The following OTOG variants were observed in gnomAD, a reference collection of about 807,000 sequenced individuals.
OTOG encodes the protein otogelin.
Under a neutral mutation model 313.8 loss-of-function variants are expected in OTOG, and 296 were observed. That is an observed-to-expected ratio of 0.94 (90% CI 0.86 to 1.04). OTOG has a LOEUF of 1.04. OTOG is among the 50% of genes least tolerant of loss of function. The probability of loss-of-function intolerance (pLI) is 0.00; values close to 1 mark genes in which losing one functional copy is unlikely to be tolerated. For missense variants in OTOG, 3,948 were observed against 3,840.1 expected (o/e 1.03, Z -0.74); for synonymous variants, 1,533 against 1,554.9 (o/e 0.99, Z 0.33).
chr11:17,554,273 T>A (rs1475685314), intron 6 of OTOG, among the ~76,000 whole-genome samples: 5 of 152,322 alleles, frequency 3.3e-5, no homozygotes, highest in Middle Eastern at 3.4e-3. Flanking sequence ...GTCATTGTAT[T>A]TCTCTTACAA....
At chr11:17,599,747 C>T (rs775265901) in intron 31 of OTOG, 50 bp downstream of exon 31, 1 of 1,537,824 alleles carries the variant, frequency 6.5e-7, no homozygotes, top group African/African-American at 1.4e-5. Context: ...GCACTGCCAG[C>T]CCTGTCCTGA....
rs753143883 is a variant in OTOG, at chr11:17,640,817, T to G, written c.8008T>G (p.Cys2670Gly). The G allele has an allele frequency of 1.9e-6, 3 of 1,550,010 alleles. No individual in the cohort carries two copies. In the African/African-American group the frequency reaches 4.1e-5, roughly 21 times the overall value. The stretch of plus-strand genomic sequence containing the variant: ...TGTGTGTGGCTGCGCCAAGTACGAG[T>G]GTGGTGAGTGGGGGAAGCCTCGGGG... ...ENVCGCAKYE[C>G]VKAPVCLSRE... The change falls in exon 50 of 56, where the codon TGT (cysteine) becomes GGT (glycine). Residue 2670 changes from cysteine (C) to glycine (G), a missense_variant. By Grantham distance (159) the Cys-to-Gly change is radical. Transcript: ENST00000399397.
chr11:17,622,860 T>A (rs1196833193), intron 39 of OTOG, among the ~76,000 whole-genome samples: 1 of 152,164 alleles, frequency 6.6e-6, no homozygotes, highest in Non-Finnish European at 1.5e-5. Flanking sequence ...TTCTTTTGGG[T>A]GTATACCCAG....
At position 17,631,704 on chromosome 11, in the gene OTOG, A is replaced by G. The variant is rs1854130943; in HGVS notation, c.6715A>G (p.Ile2239Val). 1.3e-6 allele frequency: 2 copies of G among 1,549,282 alleles called. No homozygotes were observed. Among genetic ancestry groups the G allele is most frequent in the Non-Finnish European group, 1.7e-6 (2 of 1,146,028 alleles). Residue 2239 changes from isoleucine to valine, a missense_variant and splice_region_variant, in exon 41 of 56, where the codon ATC becomes GTC. Coordinates refer to ENST00000399397, the MANE Select transcript of OTOG (RefSeq NM_001292063.2). ...SKAQGHGLCG[I>V]CDGDAANDLT... Reference sequence around the variant, plus strand: ...TGGGATTGTTTGGCCCCTTTCAGGTATCTGTGATGGAGATGCAGCCAATGA... The same window carrying G: ...TGGGATTGTTTGGCCCCTTTCAGGTGTCTGTGATGGAGATGCAGCCAATGA...
At position 17,631,721 on chromosome 11, in the gene OTOG, A is replaced by G; in HGVS notation, c.6732A>G (p.Ala2244=). The change falls in exon 41 of 56, where the codon GCA becomes GCG. Residue 2244 remains alanine (A), a synonymous_variant. Coordinates refer to ENST00000399397, the MANE Select transcript of OTOG (RefSeq NM_001292063.2). The part of the protein sequence containing the change: ...HGLCGICDGD[A]ANDLTLKDGS... ...TTTCAGGTATCTGTGATGGAGATGC[A>G]GCCAATGACCTTACCCTGAAGGATG... 6.5e-7 allele frequency: 1 copy of G among 1,550,366 alleles called. No homozygotes were observed. The highest frequency in any genetic ancestry group is 1.4e-5 in the African/African-American group (1 of 73,180).
intron 3 of OTOG, among the ~76,000 whole-genome samples, chr11:17,551,228 C>T (rs568109659): frequency 1.3e-5 from 2 of 152,296 alleles, no homozygotes; most frequent in African/African-American, 4.8e-5. Flanking sequence ...ATGCCGGTTC[C>T]AGGTGACATT....
chr11:17,618,677 T>G (rs1321848075), intron 39 of OTOG, among the ~76,000 whole-genome samples: 2 of 152,266 alleles, frequency 1.3e-5, no homozygotes, highest in Non-Finnish European at 2.9e-5. Flanking sequence ...TTTATTTGTC[T>G]ATTTCTCTTT....
chr11:17,570,334 G>C lies in OTOG; in HGVS notation c.1899G>C (p.Val633=). The C allele has an allele frequency of 6.4e-7, 1 of 1,550,700 alleles. No individual in the cohort carries two copies. Among genetic ancestry groups the C allele is most frequent in the Non-Finnish European group, 8.7e-7 (1 of 1,147,008 alleles). ...RLYLQVDQRW[V]EDTVGLCGTF... is the part of the protein sequence containing the mutation. ...ACCTGCAAGTGGACCAGCGATGGGT[G>C]GAGGATACCGTGGGCCTCTGCGGCA... Residue 633 remains valine (V), a synonymous_variant, in exon 17 of 56, where the codon GTG becomes GTC. Transcript: ENST00000399397.
Position 17,599,697 on chromosome 11 carries a change from G to A in OTOG, c.3709G>A (p.Val1237Met). 5.8e-6 allele frequency: 9 copies of A among 1,550,616 alleles called. No individual in the cohort carries two copies. Among genetic ancestry groups the A allele is most frequent in the Non-Finnish European group, 7.8e-6 (9 of 1,147,008 alleles). The part of the protein sequence containing the change: ...CPYDCDFFNK[V>M]LGKGPYQLSS... ...GTATGACTGTGACTTCTTTAACAAA[G>A]GTAAGCCCCTCCTCCCCACGCAGAG... is the stretch of plus-strand genomic sequence containing the variant. The change falls in exon 31 of 56, where the codon GTG becomes ATG. Residue 1237 changes from valine to methionine, a missense_variant and splice_region_variant. Transcript: ENST00000399397.
chr11:17,624,285 G>A (rs1853931756), intron 39 of OTOG, among the ~76,000 whole-genome samples: 1 of 152,074 alleles, frequency 6.6e-6, no homozygotes, highest in Non-Finnish European at 1.5e-5. Flanking sequence ...TATAGTTTTG[G>A]CTCTTACATT....
At position 17,593,456 on chromosome 11, in the gene OTOG, A is replaced by G; in HGVS notation, c.3141+129A>G. On this transcript the variant is annotated intron_variant, in intron 26 of 55. Transcript: ENST00000399397. ...TGGAGAGCCACTGAGTTAGGAGCCC[A>G]GACTGAATTCCTCTTGGCCAGGGTC... is the stretch of plus-strand genomic sequence containing the variant. 4.2e-6 allele frequency: 6 copies of G among 1,422,852 alleles called. No individual in the cohort carries two copies. The South Asian group carries it at 6.9e-5, about 16-fold the overall frequency. 88.1% of individuals were successfully genotyped at this position (1,422,852 alleles called of 1,614,324 possible). A position where few individuals can be genotyped will look rare whatever the true frequency, so the allele number is the denominator to read the frequency against.
intron 4 of OTOG, among the ~76,000 whole-genome samples, chr11:17,552,528 C>CTG (rs1851958432): frequency 3.8e-4 from 15 of 39,256 alleles, no homozygotes; most frequent in African/African-American, 8.9e-4. Flanking sequence ...CTGTTCCTAC[C>CTG]TCCCCCACCT....
At position 17,635,665 on chromosome 11, in the gene OTOG, T is replaced by C. The variant is rs1034724748; in HGVS notation, c.7749T>C (p.Thr2583=). 1.9e-6 allele frequency: 3 copies of C among 1,550,442 alleles called. No homozygotes were observed. Among genetic ancestry groups the C allele is most frequent in the Admixed American group, 2.0e-5 (1 of 50,982 alleles). Residue 2583 remains threonine (T), a synonymous_variant, in exon 47 of 56, where the codon ACT becomes ACC. Coordinates refer to ENST00000399397, the MANE Select transcript of OTOG (RefSeq NM_001292063.2). Reference sequence around the variant, plus strand: ...AATGTCAAGAAGGGGAGGCGCTCACTGTGCACAGGAATACCACGGAACTCT... The same window carrying C: ...AATGTCAAGAAGGGGAGGCGCTCACCGTGCACAGGAATACCACGGAACTCT... The part of the protein sequence containing the change: ...IPECQEGEAL[T]VHRNTTELCC...
At position 17,609,835 on chromosome 11, in the gene OTOG, C is replaced by A; in HGVS notation, c.4535C>A (p.Pro1512Gln). ...AAPLTTALNP[P>Q]VTATEEPVVS... ...CCACTCACCACAGCCCTGAACCCAC[C>A]AGTGACAGCCACTGAGGAGCCAGTG... Residue 1512 changes from proline (P) to glutamine (Q), a missense_variant, in exon 36 of 56, where the codon CCA becomes CAA. Coordinates refer to ENST00000399397, the MANE Select transcript of OTOG (RefSeq NM_001292063.2). 1 of 1,525,432 alleles carries A rather than the reference C, an allele frequency of 6.6e-7. No individual in the cohort carries two copies. Among genetic ancestry groups the A allele is most frequent in the Non-Finnish European group, 8.8e-7 (1 of 1,131,440 alleles). The allele number at this position is 1,525,432 out of a possible 1,614,324, so 94.5% of individuals were successfully genotyped here.
At chr11:17,643,981 C>A (rs1433771802) in intron 54 of OTOG, among the ~76,000 whole-genome samples, 1 of 152,242 alleles carries the variant, frequency 6.6e-6, no homozygotes, top group Non-Finnish European at 1.5e-5. Flanking sequence ...CCCAGGTACT[C>A]CTCTCGGAAG....
chr11:17,570,636 G>A (rs770028733), intron 17 of OTOG: 2 of 384,314 alleles, frequency 5.2e-6, no homozygotes, highest in Non-Finnish European at 9.3e-6. Context: ...CGCTCCCCAG[G>A]ATTTAGGGTG....
chr11:17,549,829 C>G (rs1346117217), intron 3 of OTOG, among the ~76,000 whole-genome samples: 1 of 152,010 alleles, frequency 6.6e-6, no homozygotes, highest in East Asian at 1.9e-4. Flanking sequence ...TTAGAATGGC[C>G]TCCCTCTAAG....
At chr11:17,560,279 G>A (rs377610784) in intron 12 of OTOG, among the ~76,000 whole-genome samples, 4 of 152,168 alleles carry the variant, frequency 2.6e-5, no homozygotes, top group African/African-American at 7.2e-5. Flanking sequence ...GAGATATCAC[G>A]CTCATATGAC....
chr11:17,611,286 C>T lies in OTOG; in HGVS notation c.5986C>T (p.Pro1996Ser). The T allele has an allele frequency of 1.3e-6, 2 of 1,550,534 alleles. No individual in the cohort carries two copies. The highest frequency in any genetic ancestry group is 1.7e-6 in the Non-Finnish European group (2 of 1,146,996). The change falls in exon 36 of 56, where the codon CCT becomes TCT. Residue 1996 changes from proline to serine, a missense_variant. Pro to Ser is a moderately conservative substitution (Grantham distance 74, BLOSUM62 -1). Coordinates refer to ENST00000399397, the MANE Select transcript of OTOG (RefSeq NM_001292063.2). ...LAEAHGTSAG[P>S]HLAAEPVDEA... Reference sequence around the variant, plus strand: ...TGAGGCCCATGGAACCTCGGCAGGGCCTCACCTGGCAGCAGAGCCGGTGGA... The same window carrying T: ...TGAGGCCCATGGAACCTCGGCAGGGTCTCACCTGGCAGCAGAGCCGGTGGA...
Sources: gnomAD v4.1 joint callset for allele counts (sites outside exome capture counted in the v4.1 genomes callset) on GRCh38, gnomAD v4.1.1 for gene constraint, MANE v1.5 for transcripts, NCBI Gene and HGNC (gene_info 2026-07-23, HGNC 2026-07-21) for gene names.